SH3BGR: variants seen among roughly 807,000 people sequenced by gnomAD.
SH3BGR encodes the protein SH3 domain-binding glutamic acid-rich protein.
Under a neutral mutation model 24.5 loss-of-function variants are expected in SH3BGR, and 29 were observed. The observed-to-expected ratio is 1.18, with a 90% CI of 0.88 to 1.61. SH3BGR has a LOEUF of 1.61. Among genes scored for constraint, SH3BGR ranks in the 40% most tolerant of loss-of-function variants. The probability of loss-of-function intolerance (pLI) is 0.00; values close to 1 mark genes in which losing one functional copy is unlikely to be tolerated. For missense variants in SH3BGR, 162 were observed against 205.8 expected (o/e 0.79, Z 1.30); for synonymous variants, 55 against 65.7 (o/e 0.84, Z 0.79).
intron 3 of SH3BGR, among the ~76,000 whole-genome samples, chr21:39,486,830 G>A (rs13050145): frequency 1.3e-5 from 2 of 151,836 alleles, no homozygotes; most frequent in African/African-American, 2.4e-5. Flanking sequence ...ACTTTCCTGC[G>A]TCAGCCTCCC....
chr21:39,474,653 C>T (rs938986984), intron 2 of SH3BGR, among the ~76,000 whole-genome samples: 4 of 152,076 alleles, frequency 2.6e-5, no homozygotes, highest in Non-Finnish European at 5.9e-5. Context: ...AAAACAGTCG[C>T]CCTCTATGTC....
At chr21:39,495,962 C>A (rs946772406) in intron 3 of SH3BGR, among the ~76,000 whole-genome samples, 3 of 151,974 alleles carry the variant, frequency 2.0e-5, no homozygotes, top group Non-Finnish European at 2.9e-5. Flanking sequence ...TCAGATATTT[C>A]TAGTTAAGAA....
intron 3 of SH3BGR, among the ~76,000 whole-genome samples, chr21:39,479,305 TGGTGGTGATGGTGGTGGTGGAGTGGTAGA>T (rs2078088475): frequency 6.9e-6 from 1 of 145,440 alleles, no homozygotes; most frequent in African/African-American, 2.7e-5. Flanking sequence ...GTAATGGTCA[TGGTGGTGATGGTGGTGGTGGAGTGGTAGA>T]GGTGGTGATT....
intron 6 of SH3BGR, among the ~76,000 whole-genome samples, 196 bp downstream of exon 6, chr21:39,512,005 G>T (rs1338468732): frequency 1.3e-5 from 2 of 152,174 alleles, no homozygotes; most frequent in Non-Finnish European, 2.9e-5. Flanking sequence ...CCTTTCGTGG[G>T]TCTGTTTCTT....
At chr21:39,492,871 T>A (rs1408483229) in intron 3 of SH3BGR, among the ~76,000 whole-genome samples, 1 of 151,950 alleles carries the variant, frequency 6.6e-6, no homozygotes, top group Non-Finnish European at 1.5e-5. Context: ...CCCTGATCAT[T>A]AGTGATGTTG....
At chr21:39,477,619 A>G (rs925440231) in intron 3 of SH3BGR, among the ~76,000 whole-genome samples, 4 of 152,182 alleles carry the variant, frequency 2.6e-5, no homozygotes, top group African/African-American at 9.7e-5. Context: ...ATGGCTTTGA[A>G]CGTGCCTCCA....
At chr21:39,485,152 C>T (rs1315408497) in intron 3 of SH3BGR, among the ~76,000 whole-genome samples, 1 of 152,164 alleles carries the variant, frequency 6.6e-6, no homozygotes, top group Admixed American at 6.5e-5. Context: ...AGCATGTGGT[C>T]ATATCTGATT....
intron 4 of SH3BGR, among the ~76,000 whole-genome samples, chr21:39,501,873 T>G (rs769215812): frequency 3.3e-5 from 5 of 152,218 alleles, no homozygotes; most frequent in Non-Finnish European, 7.3e-5. Flanking sequence ...CTCTGGTTTG[T>G]TGTTAAAAGC....
chr21:39,509,203 G>T (rs1041810924), intron 5 of SH3BGR, among the ~76,000 whole-genome samples, 176 bp downstream of exon 5: 3 of 152,182 alleles, frequency 2.0e-5, no homozygotes, highest in Admixed American at 1.3e-4. Flanking sequence ...AGATAAGTTT[G>T]TCCGAGGGAG....
At chr21:39,476,741 T>C (rs1735138) in intron 3 of SH3BGR, among the ~76,000 whole-genome samples, 66,170 of 152,006 alleles carry the variant, frequency 0.44, 17,036 homozygotes, top group African/African-American at 0.72. Flanking sequence ...AATCCCCTTC[T>C]TCCAGACCCC....
Position 39,446,083 on chromosome 21 carries a change from T to G in SH3BGR, c.-100+2T>G, listed in dbSNP as rs2077452676. On this transcript the variant is annotated splice_donor_variant, in intron 1 of 6. Transcript: ENST00000380631. LOFTEE classifies it low-confidence loss of function (5UTR_SPLICE). ...CTCTTAAGGCTCTGTCAGTCTTAGG[T>G]AACTTGAGTCAGTAGGTGGGTGTAG... 6.6e-6 allele frequency: 1 copy of G among 151,912 alleles called. No homozygotes were observed. Among genetic ancestry groups the G allele is most frequent in the African/African-American group, 2.4e-5 (1 of 41,334 alleles). The allele number at this position is 151,912 out of a possible 1,614,324, so 9.4% of individuals were successfully genotyped here. A position where few individuals can be genotyped will look rare whatever the true frequency, so the allele number is the denominator to read the frequency against.
intron 4 of SH3BGR, among the ~76,000 whole-genome samples, chr21:39,501,324 T>G (rs1031887275): frequency 4.6e-5 from 7 of 152,232 alleles, no homozygotes; most frequent in African/African-American, 1.7e-4. Context: ...TGGGCTTTGC[T>G]TCAGCTTCTC....
upstream of SH3BGR, among the ~76,000 whole-genome samples, chr21:39,451,132 T>A (rs1316843734): frequency 6.6e-6 from 1 of 152,152 alleles, no homozygotes; most frequent in Non-Finnish European, 1.5e-5. Context: ...TCTCTAACTT[T>A]TAACACAATT....
intron 6 of SH3BGR, among the ~76,000 whole-genome samples, chr21:39,512,829 A>T (rs1353928593): frequency 6.6e-6 from 1 of 152,022 alleles, no homozygotes; most frequent in Non-Finnish European, 1.5e-5. Flanking sequence ...AACAAAACAA[A>T]ACAGAAGACA....
At chr21:39,510,453 CACTG>C (rs1409784718) in intron 5 of SH3BGR, among the ~76,000 whole-genome samples, 2 of 103,668 alleles carry the variant, frequency 1.9e-5, no homozygotes, top group East Asian at 6.2e-4. Flanking sequence ...CACACACACA[CACTG>C]TAGCTACACA....
In SH3BGR at chr21:39,505,328, TA is replaced by T. The variant is rs1376995656; in HGVS notation, c.406-3669del. Among the ~76,000 whole-genome samples the T allele has an allele frequency of 2.0e-5, 3 of 152,172 alleles. No individual in the cohort carries two copies. In the East Asian group the frequency reaches 5.8e-4, roughly 29 times the overall value. ...GTTCTGGGGAAGCTTGTGGTGGTAA[TA>T]CCCAAAGTTCTTCCAAGCTTACTTA... On this transcript the variant is annotated intron_variant, in intron 4 of 6. Transcript: ENST00000333634.
chr21:39,450,854 C>T (rs1211334890), upstream of SH3BGR, among the ~76,000 whole-genome samples: 4 of 152,124 alleles, frequency 2.6e-5, no homozygotes, highest in Middle Eastern at 3.4e-3. Flanking sequence ...GCTGGAGTGC[C>T]GTGGGTGTGA....
At chr21:39,509,664 G>A (rs554369842) in intron 5 of SH3BGR, among the ~76,000 whole-genome samples, 26 of 151,668 alleles carry the variant, frequency 1.7e-4, no homozygotes, top group African/African-American at 5.8e-4. Flanking sequence ...TAGTAGAGAT[G>A]GGATTTCACC....
intron 3 of SH3BGR, among the ~76,000 whole-genome samples, chr21:39,483,532 G>A (rs1164733174): frequency 7.2e-5 from 11 of 152,190 alleles, no homozygotes; most frequent in Admixed American, 7.2e-4. Flanking sequence ...AGGAACTCCA[G>A]TGGAAAAGAA....
Sources: allele counts gnomAD v4.1 joint callset (sites outside exome capture counted in the v4.1 genomes callset), GRCh38; gene constraint gnomAD v4.1.1; transcripts MANE v1.5; gene names NCBI Gene and HGNC (gene_info 2026-07-23, HGNC 2026-07-21).